Variants in REDIC1 observed in about 807,000 individuals in gnomAD.
The protein encoded by REDIC1 is HEI10 Interacting Protein 1.
the REDIC1 span, among the ~76,000 whole-genome samples, chr12:39,828,895 A>G: frequency 6.6e-6 from 1 of 152,142 alleles, no homozygotes; most frequent in African/African-American, 2.4e-5. Flanking sequence ...TATTTCTTTT[A>G]CATATTTCTT....
the REDIC1 span, among the ~76,000 whole-genome samples, chr12:39,903,083 T>C: frequency 2.0e-5 from 3 of 152,124 alleles, no homozygotes; most frequent in African/African-American, 7.2e-5. Flanking sequence ...AACATCGTAA[T>C]AATGAGTCCA....
chr12:39,879,308 G>C, the REDIC1 span, among the ~76,000 whole-genome samples: 1 of 152,204 alleles, frequency 6.6e-6, no homozygotes, highest in African/African-American at 2.4e-5. Flanking sequence ...GGAGCTGTGA[G>C]AAATGGGCCA....
At chr12:39,900,808 T>TA in the REDIC1 span, among the ~76,000 whole-genome samples, 1 of 152,204 alleles carries the variant, frequency 6.6e-6, no homozygotes, top group African/African-American at 2.4e-5. Context: ...AGGCTACCAA[T>TA]GACTTTCTTC....
chr12:39,882,981 A>AT, the REDIC1 span, among the ~76,000 whole-genome samples: 1 of 152,124 alleles, frequency 6.6e-6, no homozygotes, highest in Non-Finnish European at 1.5e-5. Flanking sequence ...GTTTATGAAT[A>AT]TTTTTTAGGC....
At chr12:39,785,384 G>A in the REDIC1 span, among the ~76,000 whole-genome samples, 1 of 152,210 alleles carries the variant, frequency 6.6e-6, no homozygotes, top group Non-Finnish European at 1.5e-5. Flanking sequence ...TTGAGCCTGT[G>A]GGTGCACAGA....
the REDIC1 span, among the ~76,000 whole-genome samples, chr12:39,789,092 CCAAT>C: frequency 1.3e-5 from 2 of 152,052 alleles, no homozygotes; most frequent in African/African-American, 4.8e-5. Flanking sequence ...GATTTACTCA[CCAAT>C]CAGCTTATTA....
chr12:39,862,185 A>C, the REDIC1 span, among the ~76,000 whole-genome samples: 1 of 152,196 alleles, frequency 6.6e-6, no homozygotes, highest in South Asian at 2.1e-4. Context: ...AACTTAAAAT[A>C]TTCTAAAAAG....
the REDIC1 span, among the ~76,000 whole-genome samples, chr12:39,751,050 A>G: frequency 6.6e-6 from 1 of 152,204 alleles, no homozygotes; most frequent in East Asian, 1.9e-4. Context: ...ACAAAAGCCA[A>G]AATTGACAAA....
chr12:39,669,439 C>T, the REDIC1 span, among the ~76,000 whole-genome samples: 4 of 152,088 alleles, frequency 2.6e-5, no homozygotes, highest in African/African-American at 9.7e-5. Flanking sequence ...AGTACCCGGC[C>T]CTGTGTGGTG....
the REDIC1 span, among the ~76,000 whole-genome samples, chr12:39,656,356 C>T: frequency 2.0e-5 from 3 of 152,124 alleles, no homozygotes; most frequent in East Asian, 5.8e-4. Flanking sequence ...AAAATTCCTA[C>T]CATCTAGTGA....
chr12:39,679,666 AAAACC>A, the REDIC1 span, among the ~76,000 whole-genome samples: 7 of 152,172 alleles, frequency 4.6e-5, no homozygotes, highest in Non-Finnish European at 8.8e-5. Flanking sequence ...ATGCACCCCA[AAAACC>A]CCACAGAGCC....
At chr12:39,628,697 T>C in the REDIC1 span, among the ~76,000 whole-genome samples, 1 of 152,020 alleles carries the variant, frequency 6.6e-6, no homozygotes, top group African/African-American at 2.4e-5. Flanking sequence ...AAAAGAAAAA[T>C]ACATCTAGTC....
At chr12:39,768,296 T>A in the REDIC1 span, among the ~76,000 whole-genome samples, 1 of 152,104 alleles carries the variant, frequency 6.6e-6, no homozygotes, top group Non-Finnish European at 1.5e-5. Flanking sequence ...TCCAGACCAC[T>A]CAAACTTTCT....
At chr12:39,683,104 G>A in the REDIC1 span, 2 of 1,609,948 alleles carry the variant, frequency 1.2e-6, no homozygotes, top group Non-Finnish European at 1.7e-6. Flanking sequence ...TACATCTTTT[G>A]AGAACGATTA....
At chr12:39,684,836 A>G in the REDIC1 span, 2 of 1,532,974 alleles carry the variant, frequency 1.3e-6, no homozygotes, top group Non-Finnish European at 1.8e-6. Context: ...GAACACAACA[A>G]ACTTTGATAC....
the REDIC1 span, among the ~76,000 whole-genome samples, chr12:39,638,568 A>T: frequency 6.6e-6 from 1 of 152,036 alleles, no homozygotes; most frequent in Non-Finnish European, 1.5e-5. Flanking sequence ...TCTATTGCTT[A>T]TAAGAATTCT....
chr12:39,713,829 G>A, the REDIC1 span, among the ~76,000 whole-genome samples: 2 of 144,612 alleles, frequency 1.4e-5, no homozygotes, highest in East Asian at 4.0e-4. Context: ...GTGTATACAT[G>A]TATATACACG....
the REDIC1 span, among the ~76,000 whole-genome samples, chr12:39,699,906 CAGAA>C: frequency 2.0e-5 from 3 of 152,154 alleles, no homozygotes; most frequent in African/African-American, 4.8e-5. Flanking sequence ...GGAAAACTAA[CAGAA>C]AGGACATCCA....
chr12:39,901,705 A>AG, the REDIC1 span, among the ~76,000 whole-genome samples: 1,783 of 133,422 alleles, frequency 0.013, 9 homozygotes, highest in Non-Finnish European at 0.023. Flanking sequence ...GGTGCTGGAG[A>AG]GGATGTGGAG....
Sources: gnomAD v4.1 joint callset for allele counts (sites outside exome capture counted in the v4.1 genomes callset) on GRCh38, gnomAD v4.1.1 for gene constraint, MANE v1.5 for transcripts, NCBI Gene and HGNC (gene_info 2026-07-23, HGNC 2026-07-21) for gene names.